WDPCP: variants seen among roughly 807,000 people sequenced by gnomAD.
The protein encoded by WDPCP is WD repeat containing planar cell polarity effector, also known as WD repeat-containing and planar cell polarity effector protein fritz homolog.
A neutral mutation model predicts 93.1 loss-of-function variants in WDPCP; 71 were observed. That is an observed-to-expected ratio of 0.76 (90% CI 0.63 to 0.93). The LOEUF (loss-of-function observed/expected upper bound fraction) is 0.93, where lower values mean the gene tolerates loss of function less well. WDPCP is among the 40% of genes least tolerant of loss of function. The pLI, the probability that WDPCP is intolerant of heterozygous loss-of-function variation, is 0.00. For missense variants in WDPCP, 844 were observed against 887.4 expected, an observed-to-expected ratio of 0.95 and a Z score of 0.62; for synonymous variants, 315 against 315.0, an observed-to-expected ratio of 1.00 and a Z score of 0.00.
intron 2 of WDPCP, among the ~76,000 whole-genome samples, chr2:63,679,246 CT>C (rs1710460101): frequency 6.6e-6 from 1 of 151,902 alleles, no homozygotes; most frequent in African/African-American, 2.4e-5. Flanking sequence ...TTGCAATCAG[CT>C]TGAGTGATTT....
chr2:63,581,733 A>T (rs538173161), intron 1 of WDPCP, among the ~76,000 whole-genome samples: 1 of 152,300 alleles, frequency 6.6e-6, no homozygotes, highest in East Asian at 1.9e-4. Flanking sequence ...CAGGCTGGGC[A>T]TGGTGGCTCA....
intron 2 of WDPCP, among the ~76,000 whole-genome samples, chr2:63,673,097 T>C (rs1575744048): frequency 6.6e-6 from 1 of 152,270 alleles, no homozygotes; most frequent in East Asian, 1.9e-4. Context: ...AAGGATTAAA[T>C]ATAATATAAA....
intron 13 of WDPCP, among the ~76,000 whole-genome samples, chr2:63,267,515 C>G (rs1329461174): frequency 1.3e-5 from 2 of 152,042 alleles, no homozygotes; most frequent in African/African-American, 4.8e-5. Flanking sequence ...AGATTATGGA[C>G]AGCAAAAGAA....
chr2:63,418,729 G>C, intron 9 of WDPCP, among the ~76,000 whole-genome samples: 1 of 152,162 alleles, frequency 6.6e-6, no homozygotes, highest in Non-Finnish European at 1.5e-5. Context: ...GGGAAAAACA[G>C]TATAGATAAT....
chr2:63,439,710 G>A (rs766133512), intron 7 of WDPCP, 47 bp downstream of exon 7: 1 of 1,516,662 alleles, frequency 6.6e-7, no homozygotes, highest in Non-Finnish European at 9.2e-7. Flanking sequence ...TATTTCTCCT[G>A]CCCCACTGTT....
intron 3 of WDPCP, among the ~76,000 whole-genome samples, chr2:63,600,604 C>A (rs887090115): frequency 4.6e-5 from 7 of 152,166 alleles, no homozygotes; most frequent in African/African-American, 1.4e-4. Context: ...ATAGTAAATA[C>A]AAGAAAGGTT....
intron 1 of WDPCP, among the ~76,000 whole-genome samples, chr2:63,502,220 G>A (rs1701603234): frequency 6.6e-6 from 1 of 152,122 alleles, no homozygotes; most frequent in East Asian, 1.9e-4. Context: ...TACTCTGTTA[G>A]CATAAACAGA....
intron 6 of WDPCP, among the ~76,000 whole-genome samples, chr2:63,457,017 G>C (rs1435943777): frequency 6.6e-6 from 1 of 152,038 alleles, no homozygotes; most frequent in Non-Finnish European, 1.5e-5. Flanking sequence ...GACAGAGTAA[G>C]ACTCCATCTC....
chr2:63,503,575 T>C (rs920619629), intron 1 of WDPCP, among the ~76,000 whole-genome samples: 1 of 152,174 alleles, frequency 6.6e-6, no homozygotes, highest in Admixed American at 6.5e-5. Flanking sequence ...TTCAAAAATA[T>C]GAACTTCATT....
At chr2:63,604,060 T>TA (rs1428975079) in intron 3 of WDPCP, among the ~76,000 whole-genome samples, 1 of 152,156 alleles carries the variant, frequency 6.6e-6, no homozygotes, top group African/African-American at 2.4e-5. Flanking sequence ...TAGAGATTGT[T>TA]ACATATGTTA....
At chr2:63,735,220 T>G (rs1311845875) in intron 2 of WDPCP, among the ~76,000 whole-genome samples, 1 of 152,026 alleles carries the variant, frequency 6.6e-6, no homozygotes, top group East Asian at 1.9e-4. Context: ...GCAGATAAAT[T>G]GTTACAGGAG....
chr2:63,589,005 A>T, upstream of WDPCP: 1 of 1,614,130 alleles, frequency 6.2e-7, no homozygotes, highest in Non-Finnish European at 8.5e-7. Flanking sequence ...TCTGAGGCTC[A>T]TTTTGCAGTT....
chr2:63,691,537 A>G (rs1668887926), intron 2 of WDPCP, among the ~76,000 whole-genome samples: 1 of 152,166 alleles, frequency 6.6e-6, no homozygotes, highest in Non-Finnish European at 1.5e-5. Flanking sequence ...GGGGAGACTG[A>G]GGTGAAAGAA....
chr2:63,239,811 G>GTATC (rs1163049842), intron 14 of WDPCP, among the ~76,000 whole-genome samples: 2 of 152,102 alleles, frequency 1.3e-5, no homozygotes, highest in African/African-American at 2.4e-5. Flanking sequence ...TTTAAAGGCA[G>GTATC]TATCTAAGAG....
intron 1 of WDPCP, among the ~76,000 whole-genome samples, chr2:63,561,191 G>T (rs56778186): frequency 0.016 from 2,441 of 152,202 alleles, 74 homozygotes; most frequent in African/African-American, 0.056. Flanking sequence ...GTCAAAAGCA[G>T]TTGCAGGCCA....
intron 2 of WDPCP, among the ~76,000 whole-genome samples, chr2:63,747,182 G>A (rs1669811936): frequency 6.6e-6 from 1 of 152,116 alleles, no homozygotes; most frequent in Non-Finnish European, 1.5e-5. Context: ...TACTATAGAT[G>A]TTAGATCTTA....
intron 14 of WDPCP, among the ~76,000 whole-genome samples, chr2:63,192,944 C>G (rs1274395529): frequency 3.3e-5 from 5 of 152,174 alleles, no homozygotes; most frequent in African/African-American, 1.2e-4. Flanking sequence ...ACTGACAGCT[C>G]TACTTAACAG....
At chr2:63,625,544 A>G (rs1004324962) in intron 3 of WDPCP, among the ~76,000 whole-genome samples, 1 of 152,244 alleles carries the variant, frequency 6.6e-6, no homozygotes, top group Non-Finnish European at 1.5e-5. Context: ...ATAGACAAAC[A>G]GAGAGCCAAA....
At chr2:63,707,611 C>A (rs796739297) in intron 2 of WDPCP, among the ~76,000 whole-genome samples, 1 of 152,202 alleles carries the variant, frequency 6.6e-6, no homozygotes, top group Non-Finnish European at 1.5e-5. Context: ...TCTTCTGAAG[C>A]CTTCTTCTCT....
Sources: gnomAD v4.1 joint callset for allele counts (sites outside exome capture counted in the v4.1 genomes callset) on GRCh38, gnomAD v4.1.1 for gene constraint, MANE v1.5 for transcripts, NCBI Gene and HGNC (gene_info 2026-07-23, HGNC 2026-07-21) for gene names.